TBCD: variants seen among roughly 807,000 people sequenced by gnomAD.
TBCD encodes the protein tubulin folding cofactor D.
Under a neutral mutation model 169.3 loss-of-function variants are expected in TBCD, and 105 were observed. The observed-to-expected ratio is 0.62, with a 90% CI of 0.53 to 0.73. The LOEUF (loss-of-function observed/expected upper bound fraction) is 0.73, where lower values mean the gene tolerates loss of function less well. Ranked by LOEUF, TBCD falls within the 30% of genes least tolerant of loss-of-function variation. The pLI is 0.00. For missense variants in TBCD, 1,444 were observed against 1,600.1 expected (o/e 0.90, Z 1.66); for synonymous variants, 700 against 643.9 (o/e 1.09, Z -1.32).
chr17:82,911,067 T>G (rs935648838), intron 22 of TBCD, among the ~76,000 whole-genome samples: 6 of 152,192 alleles, frequency 3.9e-5, no homozygotes, highest in African/African-American at 9.6e-5. Context: ...CCCCACACAC[T>G]GGGCCTGGAG....
chr17:82,909,273 T>C lies in TBCD; in HGVS notation c.1984-12T>C. 2 of 1,506,274 alleles carry C rather than the reference T, an allele frequency of 1.3e-6. No homozygotes were observed. The highest frequency in any genetic ancestry group is 2.5e-5 in the South Asian group (2 of 81,202). The allele number at this position is 1,506,274 out of a possible 1,614,324, so 93.3% of individuals were successfully genotyped here. On this transcript the variant is annotated splice_polypyrimidine_tract_variant and intron_variant, in intron 21 of 38. Transcript: ENST00000355528. Reference sequence around the variant, plus strand: ...TTAAATCATTAAATAACTTTCAGTTTTTTATTTTCAGCTCTATGATCGTCA... The same window carrying C: ...TTAAATCATTAAATAACTTTCAGTTCTTTATTTTCAGCTCTATGATCGTCA...
intron 13 of TBCD, among the ~76,000 whole-genome samples, chr17:82,850,266 T>TTGGCTGTGCTGC (rs2055640938): frequency 1.1e-4 from 13 of 119,032 alleles, no homozygotes; most frequent in South Asian, 5.6e-4. Flanking sequence ...GGCTGTGTTG[T>TTGGCTGTGCTGC]TGTTGGCTGT....
At chr17:82,825,675 T>G (rs2052780166) in intron 13 of TBCD, among the ~76,000 whole-genome samples, 1 of 152,230 alleles carries the variant, frequency 6.6e-6, no homozygotes, top group African/African-American at 2.4e-5. Flanking sequence ...CTTACAAGTT[T>G]TATAGAACTC....
rs1568075346 is a variant in TBCD, at chr17:82,929,490, CG to C, written c.2983del (p.Glu995SerfsTer15). Reference sequence around the variant, plus strand: ...CTAGTCGTGTCCCTGGGCGGCTTGACGGAGTCGACGGTGAGGAGGCGTCGGG... The same window carrying C: ...CTAGTCGTGTCCCTGGGCGGCTTGACGAGTCGACGGTGAGGAGGCGTCGGG... ...LGLVVSLGGL[T>X]ESTIRHSTQS... On this transcript the variant is annotated frameshift_variant, in exon 32 of 39. Transcript: ENST00000355528. LOFTEE classifies it high-confidence loss of function. 1 of 1,606,422 alleles carries C rather than the reference CG, an allele frequency of 6.2e-7. No homozygotes were observed. Among genetic ancestry groups the C allele is most frequent in the Admixed American group, 1.7e-5 (1 of 60,016 alleles).
At chr17:82,875,162 A>G (rs1383258892) in intron 14 of TBCD, among the ~76,000 whole-genome samples, 1 of 152,222 alleles carries the variant, frequency 6.6e-6, no homozygotes, top group East Asian at 1.9e-4. Flanking sequence ...TGTTTTATAA[A>G]TACCAGAAGG....
chr17:82,798,793 A>T lies in TBCD; in HGVS notation c.817+991A>T, dbSNP rs139820668. Among the ~76,000 whole-genome samples the T allele has an allele frequency of 3.3e-5, 5 of 152,260 alleles. No homozygotes were observed. The East Asian group carries it at 7.7e-4, about 24-fold the overall frequency. On this transcript the variant is annotated intron_variant, in intron 8 of 38. Transcript: ENST00000355528. ...GAGACTGCATCTTACTGTGTCGCCC[A>T]GGCTGGAATACATGACACAGCTCAC... is the stretch of plus-strand genomic sequence containing the variant.
At chr17:82,774,794 TCTGA>T (rs376313921) in intron 6 of TBCD, among the ~76,000 whole-genome samples, 7 of 152,356 alleles carry the variant, frequency 4.6e-5, no homozygotes, top group African/African-American at 1.7e-4. Flanking sequence ...TGTGTACCGT[TCTGA>T]CTGATTTCTA....
Position 82,874,009 on chromosome 17 carries a change from T to G in TBCD, c.1475+3629T>G, listed in dbSNP as rs1282087037. Among the ~76,000 whole-genome samples, 4 of 152,252 alleles carry G rather than the reference T, an allele frequency of 2.6e-5. No individual in the cohort carries two copies. The highest frequency in any genetic ancestry group is 5.9e-5 in the Non-Finnish European group (4 of 68,014). On this transcript the variant is annotated intron_variant, in intron 14 of 38. Coordinates refer to ENST00000355528, the MANE Select transcript of TBCD (RefSeq NM_005993.5). This position sits in a 1 kb window ranked among gnomAD's most constrained non-coding sequence, Gnocchi z 5.0. ...CAGCCTCCTGTTGGCCCCGTGAGGG[T>G]CCTGACTGGGGCTCCTCTTTTGGAG...
chr17:82,919,542 G>A (rs143244979), intron 23 of TBCD, among the ~76,000 whole-genome samples: 4 of 152,208 alleles, frequency 2.6e-5, no homozygotes, highest in Admixed American at 1.3e-4. Context: ...CAGAGCAGAC[G>A]TGTGGGCATT....
chr17:82,843,948 A>AT (rs2054772528), intron 13 of TBCD, among the ~76,000 whole-genome samples: 1 of 152,042 alleles, frequency 6.6e-6, no homozygotes, highest in South Asian at 2.1e-4. Flanking sequence ...GTGATTCCTG[A>AT]TTTTTATGGA....
rs1400388792 is a variant in TBCD at position 82,920,529 on chromosome 17, G to A, written c.2039-27G>A. On this transcript the variant is annotated intron_variant, in intron 23 of 38. Transcript: ENST00000355528. This position sits in a 1 kb window ranked among gnomAD's most constrained non-coding sequence, Gnocchi z 4.1. ...GGCGCTTTTAGAAAAGTAACATTGCGTCTATCCTTTTTTTTTTTTTTTCCA... is the reference window on the plus strand; with the variant it reads ...GGCGCTTTTAGAAAAGTAACATTGCATCTATCCTTTTTTTTTTTTTTTCCA... 2.0e-5 allele frequency: 30 copies of A among 1,512,800 alleles called. No individual in the cohort carries two copies. The Admixed American group carries it at 2.4e-4, about 12-fold the overall frequency. 93.7% of individuals were successfully genotyped at this position (1,512,800 alleles called of 1,614,324 possible). A position where few individuals can be genotyped will look rare whatever the true frequency, so the allele number is the denominator to read the frequency against.
At chr17:82,870,447 C>T (rs2057476988) in intron 14 of TBCD, 67 bp downstream of exon 14, 3 of 1,557,020 alleles carry the variant, frequency 1.9e-6, no homozygotes, top group Non-Finnish European at 2.6e-6. Context: ...GTCGTTTCCT[C>T]CATGAGAGGT....
At chr17:82,820,222 C>G (rs1229799625) in intron 13 of TBCD, among the ~76,000 whole-genome samples, 1 of 152,226 alleles carries the variant, frequency 6.6e-6, no homozygotes, top group East Asian at 1.9e-4. Context: ...AAGTGATCTG[C>G]CTGCCTTGGC....
chr17:82,856,614 T>C (rs1291271290), intron 13 of TBCD, among the ~76,000 whole-genome samples: 2 of 152,232 alleles, frequency 1.3e-5, no homozygotes, highest in African/African-American at 4.8e-5. Flanking sequence ...GACGGACACT[T>C]AAGTTTTCCC....
intron 7 of TBCD, among the ~76,000 whole-genome samples, chr17:82,797,485 A>G (rs1051590142): frequency 2.0e-5 from 3 of 152,254 alleles, no homozygotes; most frequent in East Asian, 1.9e-4. Context: ...TTGTGATGCC[A>G]TTGATGAGGG....
intron 13 of TBCD, among the ~76,000 whole-genome samples, chr17:82,845,050 G>T (rs2054890264): frequency 6.6e-6 from 1 of 152,156 alleles, no homozygotes. Flanking sequence ...CTGCTCTTGG[G>T]GGTAAGCACC....
In TBCD at chr17:82,776,485, C is replaced by T. The variant is rs546109689; in HGVS notation, c.638+3978C>T. On this transcript the variant is annotated intron_variant, in intron 6 of 38. Transcript: ENST00000355528. ...TAATTCTTATACACAGTGCGTGTAC[C>T]GTGTTTATCTTCTTTGCACCGTTAT... Among the ~76,000 whole-genome samples, 6 of 152,228 alleles carry T rather than the reference C, an allele frequency of 3.9e-5. No individual in the cohort carries two copies. In the East Asian group the frequency reaches 5.8e-4, roughly 15 times the overall value.
Position 82,925,030 on chromosome 17 carries a change from C to T in TBCD, c.2352C>T (p.Gly784=), listed in dbSNP as rs1446023886. The change falls in exon 27 of 39, where the codon GGC becomes GGT. Residue 784 remains glycine (G), a synonymous_variant. Coordinates refer to ENST00000355528, the MANE Select transcript of TBCD (RefSeq NM_005993.5). ...GFSLALGALP[G]FLLKGRLQQV... is the part of the protein sequence containing the mutation. ...CGTTGGCCTTGGGCGCCCTTCCAGG[C>T]TTCCTTCTGAAAGGCCGGCTCCAGC... The T allele has an allele frequency of 1.3e-6, 2 of 1,563,908 alleles. No homozygotes were observed. The highest frequency in any genetic ancestry group is 1.7e-6 in the Non-Finnish European group (2 of 1,153,546).
At chr17:82,932,809 G>A in intron 34 of TBCD, 74 bp downstream of exon 34, 1 of 1,452,268 alleles carries the variant, frequency 6.9e-7, no homozygotes, top group Non-Finnish European at 9.6e-7. Flanking sequence ...AAAGTCATCA[G>A]ACACAGAGAT....
Sources: gnomAD v4.1 joint callset for allele counts (sites outside exome capture counted in the v4.1 genomes callset) on GRCh38, gnomAD v4.1.1 for gene constraint, Gnocchi (gnomAD v3.1) non-coding constraint, MANE v1.5 for transcripts, NCBI Gene and HGNC (gene_info 2026-07-23, HGNC 2026-07-21) for gene names.